CTIF: variants seen among roughly 807,000 people sequenced by gnomAD.
The protein encoded by CTIF is CBP80/20-dependent translation initiation factor.
A neutral mutation model predicts 66.0 loss-of-function variants in CTIF; 21 were observed. The observed-to-expected ratio is 0.32, with a 90% CI of 0.23 to 0.46. CTIF has a LOEUF of 0.46. Ranked by LOEUF, CTIF falls within the 20% of genes least tolerant of loss-of-function variation. The probability of loss-of-function intolerance (pLI) is 1.00; values close to 1 mark genes in which losing one functional copy is unlikely to be tolerated. For synonymous variants in CTIF, 345 were observed against 326.4 expected (o/e 1.06, Z -0.62); for missense variants, 739 against 812.7 (o/e 0.91, Z 1.10).
In CTIF at chr18:48,823,062, A is replaced by T. The variant is rs113556579; in HGVS notation, c.1527+5686A>T. On this transcript the variant is annotated intron_variant, in intron 10 of 11. Transcript: ENST00000256413. ...GAGTTCCTTATATATTTTGGACATT[A>T]ACTCTTTATCAGATGTATGGTTTGC... Among the ~76,000 whole-genome samples the T allele has an allele frequency of 5.9e-5, 9 of 151,962 alleles. 1 individual carries two copies. Among genetic ancestry groups the T allele is most frequent in the African/African-American group, 2.2e-4 (9 of 41,218 alleles).
At chr18:48,643,059 C>T (rs377516320) in intron 3 of CTIF, among the ~76,000 whole-genome samples, 1 of 152,118 alleles carries the variant, frequency 6.6e-6, no homozygotes, top group South Asian at 2.1e-4. Flanking sequence ...TGTCACATGC[C>T]CTATCTCTAG....
intron 1 of CTIF, among the ~76,000 whole-genome samples, chr18:48,617,583 G>T (rs901257857): frequency 6.6e-6 from 1 of 152,194 alleles, no homozygotes; most frequent in African/African-American, 2.4e-5. Flanking sequence ...GGAGGAGTAA[G>T]GTGGGTGCTG....
chr18:48,609,348 A>C (rs2090265443), intron 1 of CTIF, among the ~76,000 whole-genome samples: 1 of 152,186 alleles, frequency 6.6e-6, no homozygotes, highest in Non-Finnish European at 1.5e-5. Flanking sequence ...CTTGAGGGAA[A>C]AGGGGAGATT....
At chr18:48,600,900 ACATTT>A in intron 1 of CTIF, among the ~76,000 whole-genome samples, 1 of 152,240 alleles carries the variant, frequency 6.6e-6, no homozygotes, top group East Asian at 1.9e-4. Context: ...CATACTGGTG[ACATTT>A]TACATTGGCA....
At chr18:48,639,301 G>C (rs1196161248) in intron 3 of CTIF, among the ~76,000 whole-genome samples, 1 of 152,210 alleles carries the variant, frequency 6.6e-6, no homozygotes, top group Non-Finnish European at 1.5e-5. Flanking sequence ...AACCAGGAGT[G>C]TTTGCAGGGA....
At chr18:48,773,708 G>T (rs1156371497) in intron 9 of CTIF, among the ~76,000 whole-genome samples, 1 of 152,242 alleles carries the variant, frequency 6.6e-6, no homozygotes, top group African/African-American at 2.4e-5. Flanking sequence ...AGGAAGAATG[G>T]ATAGAGACTC....
intron 6 of CTIF, among the ~76,000 whole-genome samples, chr18:48,701,133 C>A (rs941456941): frequency 1.1e-4 from 17 of 152,184 alleles, no homozygotes; most frequent in Admixed American, 7.2e-4. Context: ...CATGAGGGGC[C>A]AGGACACAGG....
At chr18:48,650,870 G>T (rs938487369) in intron 3 of CTIF, among the ~76,000 whole-genome samples, 3 of 151,412 alleles carry the variant, frequency 2.0e-5, no homozygotes, top group Non-Finnish European at 4.4e-5. Flanking sequence ...ATTTTCAACC[G>T]AGAATTTCAC....
At chr18:48,673,557 ACT>A (rs1158835078) in intron 6 of CTIF, 2 of 152,196 alleles carry the variant, frequency 1.3e-5, no homozygotes, top group Non-Finnish European at 2.9e-5. Flanking sequence ...TTTATTTCTA[ACT>A]TTCTGAAATT....
chr18:48,617,865 C>T (rs556378195), intron 1 of CTIF, among the ~76,000 whole-genome samples: 45 of 120 alleles, frequency 0.38, no homozygotes, highest in African/African-American at 0.5. Context: ...GGTTGCTGAG[C>T]TCAGGGGGCC....
intron 2 of CTIF, among the ~76,000 whole-genome samples, chr18:48,636,383 G>A (rs1439715480): frequency 6.6e-6 from 1 of 152,250 alleles, no homozygotes; most frequent in Admixed American, 6.5e-5. Context: ...GGGCTCAGGT[G>A]AAGGGAAGTG....
At position 48,654,924 on chromosome 18, in the gene CTIF, T is replaced by C. The variant is rs915981778; in HGVS notation, c.253-8828T>C. The stretch of plus-strand genomic sequence containing the variant: ...TCACTCATAGGTGGGAACTGAACAA[T>C]GAGAACACTTGGACACAGGGCGGGG... On this transcript the variant is annotated intron_variant, in intron 3 of 11. Transcript: ENST00000256413. Among the ~76,000 whole-genome samples the C allele has an allele frequency of 6.7e-5, 10 of 150,068 alleles. No individual in the cohort carries two copies. In the East Asian group the frequency reaches 1.6e-3, roughly 24 times the overall value.
chr18:48,646,738 C>T (rs2091038366), intron 3 of CTIF, among the ~76,000 whole-genome samples: 1 of 144,168 alleles, frequency 6.9e-6, no homozygotes, highest in African/African-American at 2.7e-5. Context: ...CAGCGAGACC[C>T]TGTCTCAAAA....
intron 6 of CTIF, among the ~76,000 whole-genome samples, chr18:48,682,296 G>A (rs112678604): frequency 2.4e-3 from 361 of 152,236 alleles, no homozygotes; most frequent in Middle Eastern, 0.01. Context: ...ACATGATCCC[G>A]GGAGCCAAAA....
rs564592740 is a variant in CTIF, at chr18:48,619,340, C to G, written c.-28-198C>G. 2.0e-5 allele frequency among the ~76,000 whole-genome samples: 3 copies of G among 152,370 alleles called. No individual in the cohort carries two copies. The East Asian group carries it at 5.8e-4, about 29-fold the overall frequency. On this transcript the variant is annotated intron_variant, in intron 1 of 11. Coordinates refer to ENST00000256413, the MANE Select transcript of CTIF (RefSeq NM_014772.3). Reference sequence around the variant, plus strand: ...ATTCCCTGGGCCTCAGTCTCCTGCCCTACACAGTGGGAATTACAGCACATA... The same window carrying G: ...ATTCCCTGGGCCTCAGTCTCCTGCCGTACACAGTGGGAATTACAGCACATA...
At chr18:48,713,856 G>C (rs559196742) in intron 7 of CTIF, among the ~76,000 whole-genome samples, 6 of 152,316 alleles carry the variant, frequency 3.9e-5, no homozygotes, top group African/African-American at 1.4e-4. Flanking sequence ...TGACCATTTG[G>C]GGCAACACTG....
At chr18:48,560,125 T>G (rs1459226311) in intron 1 of CTIF, among the ~76,000 whole-genome samples, 1 of 152,012 alleles carries the variant, frequency 6.6e-6, no homozygotes, top group Non-Finnish European at 1.5e-5. Context: ...GAGTGTCACT[T>G]CCATATACTA....
intron 10 of CTIF, among the ~76,000 whole-genome samples, chr18:48,828,608 G>A (rs1001514696): frequency 2.0e-4 from 31 of 152,276 alleles, no homozygotes; most frequent in Admixed American, 1.9e-3. Context: ...TTTTCCAGCC[G>A]GAATTCTACT....
intron 7 of CTIF, among the ~76,000 whole-genome samples, chr18:48,737,110 C>G (rs2092510113): frequency 6.6e-6 from 1 of 152,082 alleles, no homozygotes; most frequent in Admixed American, 6.6e-5. Flanking sequence ...ATGAGAGACT[C>G]CTGTGTCTAC....
Sources: allele counts gnomAD v4.1 joint callset (sites outside exome capture counted in the v4.1 genomes callset), GRCh38; gene constraint gnomAD v4.1.1; transcripts MANE v1.5; gene names NCBI Gene and HGNC (gene_info 2026-07-23, HGNC 2026-07-21).